PIK3R1: variants seen among roughly 807,000 people sequenced by gnomAD.
The protein encoded by PIK3R1 is phosphoinositide-3-kinase regulatory subunit 1.
In PIK3R1, 29 loss-of-function variants were observed where a neutral mutation model predicts 98.0. The observed-to-expected ratio is 0.30, with a 90% CI of 0.22 to 0.40. The LOEUF is 0.40. Among genes scored for constraint, PIK3R1 ranks in the 10% least tolerant of loss-of-function variants. PIK3R1 has a pLI of 1.00. For missense variants in PIK3R1, 596 were observed against 872.7 expected (o/e 0.68, Z 3.99); for synonymous variants, 282 against 311.8 (o/e 0.90, Z 1.01).
At chr5:68,255,402 G>A (rs1338536942) in intron 2 of PIK3R1, among the ~76,000 whole-genome samples, 1 of 152,186 alleles carries the variant, frequency 6.6e-6, no homozygotes, top group East Asian at 1.9e-4. Flanking sequence ...ATCTGGGTCA[G>A]CCTCCGATTC....
At chr5:68,223,840 G>C (rs1290425928) in intron 1 of PIK3R1, among the ~76,000 whole-genome samples, 1 of 152,190 alleles carries the variant, frequency 6.6e-6, no homozygotes, top group African/African-American at 2.4e-5. Context: ...TCTTAATACA[G>C]AGCCCCCTGG....
At chr5:68,222,627 G>T (rs745921015) in intron 1 of PIK3R1, among the ~76,000 whole-genome samples, 2 of 152,188 alleles carry the variant, frequency 1.3e-5, no homozygotes, top group African/African-American at 4.8e-5. Flanking sequence ...TTGCATGGCT[G>T]AGATGCTGGG....
chr5:68,229,134 G>C (rs1314136942), intron 2 of PIK3R1, among the ~76,000 whole-genome samples: 1 of 151,936 alleles, frequency 6.6e-6, no homozygotes, highest in African/African-American at 2.4e-5. Context: ...AGTGTTGGGG[G>C]GGGGTCATGT....
chr5:68,243,246 A>G (rs1297505995), intron 2 of PIK3R1, among the ~76,000 whole-genome samples: 2 of 152,248 alleles, frequency 1.3e-5, no homozygotes, highest in African/African-American at 4.8e-5. Context: ...GTTTTTGAAC[A>G]TGTAAAATCT....
chr5:68,240,568 A>G (rs1744834202), intron 2 of PIK3R1, among the ~76,000 whole-genome samples: 1 of 152,206 alleles, frequency 6.6e-6, no homozygotes, highest in African/African-American at 2.4e-5. Flanking sequence ...GATGCAAAAA[A>G]TGTTTACTCT....
chr5:68,265,898 C>T (rs1161905945), intron 2 of PIK3R1, among the ~76,000 whole-genome samples: 5 of 152,190 alleles, frequency 3.3e-5, no homozygotes, highest in Admixed American at 3.3e-4. Context: ...AAAAAACCCC[C>T]TACTCTCTAT....
At position 68,292,622 on chromosome 5, in the gene PIK3R1, C is replaced by T. The variant is rs1292064262; in HGVS notation, c.1019+261C>T. On this transcript the variant is annotated intron_variant, in intron 8 of 15. Coordinates refer to ENST00000521381, the MANE Select transcript of PIK3R1 (RefSeq NM_181523.3). Reference sequence around the variant, plus strand: ...AGAGTGAAGTGGCACTGCCTAAGAACAGAGTGTGAAGGCACTCTATCTATT... The same window carrying T: ...AGAGTGAAGTGGCACTGCCTAAGAATAGAGTGTGAAGGCACTCTATCTATT... The T allele has an allele frequency of 4.9e-6, 7 of 1,432,830 alleles. No individual in the cohort carries two copies. In the East Asian group the frequency reaches 2.1e-4, roughly 43 times the overall value. The allele number at this position is 1,432,830 out of a possible 1,614,324, so 88.8% of individuals were successfully genotyped here.
intron 7 of PIK3R1, chr5:68,290,778 A>G: frequency 6.2e-7 from 1 of 1,613,746 alleles, no homozygotes; most frequent in Non-Finnish European, 8.5e-7. Context: ...GAATATGCCA[A>G]GACAGATATA....
At chr5:68,280,860 A>C in intron 6 of PIK3R1, 67 bp from the exon 7 acceptor site, 1 of 1,244,876 alleles carries the variant, frequency 8.0e-7, no homozygotes, top group East Asian at 2.3e-5. Flanking sequence ...CATTCACTTG[A>C]GTGTATATAA....
At chr5:68,279,771 C>T (rs752089129) in intron 5 of PIK3R1, 38 bp downstream of exon 5, 1 of 1,602,450 alleles carries the variant, frequency 6.2e-7, no homozygotes. Context: ...ATTGAACATA[C>T]ATGGAGATGT....
At chr5:68,262,721 A>G (rs867030019) in intron 2 of PIK3R1, among the ~76,000 whole-genome samples, 3 of 116,978 alleles carry the variant, frequency 2.6e-5, no homozygotes, top group Non-Finnish European at 1.9e-5. Flanking sequence ...AGATGCATGT[A>G]TACATATATA....
At chr5:68,290,723 G>A in intron 7 of PIK3R1, 1 of 1,603,664 alleles carries the variant, frequency 6.2e-7, no homozygotes, top group Non-Finnish European at 8.5e-7. Context: ...GGAAACTCTT[G>A]CACAAATGTA....
intron 12 of PIK3R1, 108 bp downstream of exon 12, chr5:68,294,786 G>A: frequency 5.0e-6 from 3 of 602,950 alleles, no homozygotes; most frequent in Non-Finnish European, 7.5e-6. Context: ...CACAGGAAGG[G>A]GAATATCACT....
chr5:68,216,667 G>T (rs1743895620), intron 1 of PIK3R1, among the ~76,000 whole-genome samples: 1 of 146,360 alleles, frequency 6.8e-6, no homozygotes, highest in African/African-American at 2.6e-5. Flanking sequence ...GGAACGTGGG[G>T]CGAGGCGGGA....
intron 2 of PIK3R1, among the ~76,000 whole-genome samples, chr5:68,257,561 C>G (rs1745568905): frequency 6.6e-6 from 1 of 152,212 alleles, no homozygotes; most frequent in African/African-American, 2.4e-5. Context: ...TCTGCTAATA[C>G]TTTTACTCCT....
chr5:68,243,331 A>C (rs1744940967), intron 2 of PIK3R1, among the ~76,000 whole-genome samples: 1 of 152,212 alleles, frequency 6.6e-6, no homozygotes, highest in African/African-American at 2.4e-5. Flanking sequence ...TAGACACATA[A>C]AACTTTGAAA....
At chr5:68,220,111 ATGACTCTGTGGGCTGTAGG>A (rs1358918863) in intron 1 of PIK3R1, among the ~76,000 whole-genome samples, 1 of 152,160 alleles carries the variant, frequency 6.6e-6, no homozygotes, top group Non-Finnish European at 1.5e-5. Flanking sequence ...AATCCTCATA[ATGACTCTGTGGGCTGTAGG>A]TTTGCTTATA....
chr5:68,268,580 T>A (rs1477547932), intron 2 of PIK3R1, among the ~76,000 whole-genome samples: 1 of 152,208 alleles, frequency 6.6e-6, no homozygotes, highest in Admixed American at 6.5e-5. Context: ...ATAATACTGA[T>A]CCACACTTTG....
At chr5:68,219,174 A>G (rs1744005342) in intron 1 of PIK3R1, among the ~76,000 whole-genome samples, 1 of 152,236 alleles carries the variant, frequency 6.6e-6, no homozygotes, top group Admixed American at 6.5e-5. Flanking sequence ...TTGAAAGGCT[A>G]GAGTGATTGT....
Sources: gnomAD v4.1 joint callset for allele counts (sites outside exome capture counted in the v4.1 genomes callset) on GRCh38, gnomAD v4.1.1 for gene constraint, MANE v1.5 for transcripts, NCBI Gene and HGNC (gene_info 2026-07-23, HGNC 2026-07-21) for gene names.